CAMTA1: variants seen among roughly 807,000 people sequenced by gnomAD.
CAMTA1 encodes calmodulin binding transcription activator 1.
In CAMTA1, 27 loss-of-function variants were observed where a neutral mutation model predicts 170.9. That is an observed-to-expected ratio of 0.16 (90% CI 0.12 to 0.22). The LOEUF (loss-of-function observed/expected upper bound fraction) is 0.22. Among genes scored for constraint, CAMTA1 ranks in the 10% least tolerant of loss-of-function variants. The pLI is 1.00. For missense variants in CAMTA1, 1,619 were observed against 2,217.2 expected, an observed-to-expected ratio of 0.73 and a Z score of 5.42; for synonymous variants, 833 against 891.5, an observed-to-expected ratio of 0.93 and a Z score of 1.17.
chr1:6,928,094 C>T (rs1683678557), intron 3 of CAMTA1, among the ~76,000 whole-genome samples: 1 of 152,204 alleles, frequency 6.6e-6, no homozygotes, highest in Admixed American at 6.5e-5. Flanking sequence ...GACCCAGCCA[C>T]CAGCGCTGGA....
intron 6 of CAMTA1, among the ~76,000 whole-genome samples, chr1:7,553,045 A>G (rs1184247856): frequency 6.6e-6 from 1 of 152,238 alleles, no homozygotes; most frequent in Admixed American, 6.5e-5. Flanking sequence ...CAGAGAAGCT[A>G]AAGACTGTGC....
intron 5 of CAMTA1, among the ~76,000 whole-genome samples, chr1:7,466,287 C>T (rs2093209623): frequency 1.3e-5 from 2 of 152,356 alleles, no homozygotes; most frequent in Non-Finnish European, 1.5e-5. Context: ...AAATACATTT[C>T]ATGGGCAAGA....
At position 7,175,198 on chromosome 1, in the gene CAMTA1, C is replaced by T. The variant is rs940122951; in HGVS notation, c.303-74293C>T. Among the ~76,000 whole-genome samples, 6 of 152,166 alleles carry T rather than the reference C, an allele frequency of 3.9e-5. No homozygotes were observed. The East Asian group carries it at 9.7e-4, about 25-fold the overall frequency. On this transcript the variant is annotated intron_variant, in intron 4 of 22. Coordinates refer to ENST00000303635, the MANE Select transcript of CAMTA1 (RefSeq NM_015215.4). ...AGGTGTCCAGGTGTTGCCTCTTGTC[C>T]CAGTGGACACTCTGGGAAGGACAAT... is the stretch of plus-strand genomic sequence containing the variant.
chr1:7,685,559 C>T lies in CAMTA1; in HGVS notation c.2914+7826C>T, dbSNP rs765094201. Among the ~76,000 whole-genome samples, 4 of 152,206 alleles carry T rather than the reference C, an allele frequency of 2.6e-5. No homozygotes were observed. Among genetic ancestry groups the T allele is most frequent in the Non-Finnish European group, 5.9e-5 (4 of 68,038 alleles). On this transcript the variant is annotated intron_variant, in intron 11 of 22. Coordinates refer to ENST00000303635, the MANE Select transcript of CAMTA1 (RefSeq NM_015215.4). This position sits in a 1 kb window ranked among gnomAD's most constrained non-coding sequence, Gnocchi z 5.7. The stretch of plus-strand genomic sequence containing the variant: ...CTGGGCAGTGCGATTCTGCCCCTCC[C>T]TCCCACTCCCCTGCTTGCTCCTCAG...
At chr1:7,690,183 A>G (rs3124800) in intron 11 of CAMTA1, among the ~76,000 whole-genome samples, 74,275 of 152,062 alleles carry the variant, frequency 0.49, 18,328 homozygotes, top group East Asian at 0.66. Flanking sequence ...AGAAAGAGCC[A>G]GCTGGGAGCC....
At position 6,959,476 on chromosome 1, in the gene CAMTA1, G is replaced by A. The variant is rs184451631; in HGVS notation, c.235-131828G>A. On this transcript the variant is annotated intron_variant, in intron 3 of 22. Transcript: ENST00000303635. ...ATCAGATTGTCAGTCAGTGTTTCCCGGGTGCCTACCGGTGTACCGGGTCCC... is the reference window on the plus strand; with the variant it reads ...ATCAGATTGTCAGTCAGTGTTTCCCAGGTGCCTACCGGTGTACCGGGTCCC... 1.6e-3 allele frequency among the ~76,000 whole-genome samples: 234 copies of A among 149,104 alleles called. 1 individual carries two copies. The highest frequency in any genetic ancestry group is 5.5e-3 in the African/African-American group (223 of 40,756).
intron 7 of CAMTA1, among the ~76,000 whole-genome samples, chr1:7,655,009 CACACACCCCTATATACACAA>C (rs2095876531): frequency 1.3e-5 from 2 of 149,674 alleles, no homozygotes; most frequent in East Asian, 4.1e-4. Flanking sequence ...CACACCTATA[CACACACCCCTATATACACAA>C]ACACACCCAC....
At chr1:7,416,680 T>C (rs2091202238) in intron 5 of CAMTA1, among the ~76,000 whole-genome samples, 1 of 152,222 alleles carries the variant, frequency 6.6e-6, no homozygotes, top group Non-Finnish European at 1.5e-5. Context: ...TTTCAAAGTT[T>C]TTAACTTCTT....
intron 3 of CAMTA1, among the ~76,000 whole-genome samples, chr1:7,027,140 G>A (rs1321572275): frequency 3.3e-5 from 5 of 152,042 alleles, no homozygotes; most frequent in Non-Finnish European, 5.9e-5. Context: ...GAAGAGGGTG[G>A]GAAAACAGTT....
intron 3 of CAMTA1, among the ~76,000 whole-genome samples, chr1:6,866,996 C>T (rs1055859745): frequency 6.6e-6 from 1 of 152,232 alleles, no homozygotes; most frequent in Admixed American, 6.5e-5. Context: ...AGCATGGCTG[C>T]GTGCCTAAAG....
Position 7,017,494 on chromosome 1 carries a change from C to T in CAMTA1, c.235-73810C>T, listed in dbSNP as rs188458735. ...CACAGAGGTTCAGGTGCTCCGTCAG[C>T]GAGTATTTAAGTACCTACTATGTGT... On this transcript the variant is annotated intron_variant, in intron 3 of 22. Transcript: ENST00000303635. Among the ~76,000 whole-genome samples, 300 of 152,260 alleles carry T rather than the reference C, an allele frequency of 2.0e-3. 2 individuals carry two copies. Among genetic ancestry groups the T allele is most frequent in the Non-Finnish European group, 3.6e-3 (243 of 68,028 alleles).
At position 7,520,988 on chromosome 1, in the gene CAMTA1, G is replaced by A. The variant is rs12071155; in HGVS notation, c.510+53087G>A. 3.6e-3 allele frequency among the ~76,000 whole-genome samples: 542 copies of A among 152,184 alleles called. 4 individuals are homozygous for A. Among genetic ancestry groups the A allele is most frequent in the African/African-American group, 0.012 (496 of 41,516 alleles). ...TAACTAGCCAGCACTTGATATTAGT[G>A]GTTCCCAAATACTTGTCTTCAATCC... On this transcript the variant is annotated intron_variant, in intron 6 of 22. Transcript: ENST00000303635.
At chr1:7,606,597 G>A (rs913368091) in intron 6 of CAMTA1, among the ~76,000 whole-genome samples, 11 of 152,208 alleles carry the variant, frequency 7.2e-5, no homozygotes, top group African/African-American at 1.7e-4. Context: ...CCAGGGACTC[G>A]TTTGAAATGT....
rs139743157 is a variant in CAMTA1 at position 7,177,470 on chromosome 1, G to GCC, written c.303-72015_303-72014dup. Among the ~76,000 whole-genome samples the GCC allele has an allele frequency of 1.3e-3, 165 of 122,452 alleles. 5 individuals carry two copies. Among genetic ancestry groups the GCC allele is most frequent in the African/African-American group, 2.4e-3 (77 of 32,456 alleles). The allele number at this position is 122,452 out of a possible 152,430, so 80.3% of individuals were successfully genotyped here. On this transcript the variant is annotated intron_variant, in intron 4 of 22. Coordinates refer to ENST00000303635, the MANE Select transcript of CAMTA1 (RefSeq NM_015215.4). Reference sequence around the variant, plus strand: ...ACAGAGGCCCCTCCCACACCCTGAGGCCCCCCCACACACACTGAAGCCCCT... The same window carrying GCC: ...ACAGAGGCCCCTCCCACACCCTGAGGCCCCCCCCCACACACACTGAAGCCCCT...
chr1:7,076,985 T>C (rs1303203644), intron 3 of CAMTA1, among the ~76,000 whole-genome samples: 1 of 152,244 alleles, frequency 6.6e-6, no homozygotes, highest in Non-Finnish European at 1.5e-5. Context: ...TAATCTGAAC[T>C]TGTCTTATGA....
chr1:7,309,982 A>C (rs548292873), intron 5 of CAMTA1, among the ~76,000 whole-genome samples: 1 of 152,248 alleles, frequency 6.6e-6, no homozygotes, highest in Admixed American at 6.5e-5. Flanking sequence ...ATTTACCCAG[A>C]TCTTTATTAG....
chr1:7,324,509 GT>G (rs2149703966), intron 5 of CAMTA1, among the ~76,000 whole-genome samples: 1 of 152,188 alleles, frequency 6.6e-6, no homozygotes, highest in Admixed American at 6.5e-5. Context: ...CATTTGTTGT[GT>G]TTTTGTTTGT....
At chr1:6,868,201 TAAAG>T (rs965167482) in intron 3 of CAMTA1, among the ~76,000 whole-genome samples, 3 of 151,992 alleles carry the variant, frequency 2.0e-5, no homozygotes, top group Non-Finnish European at 4.4e-5. Context: ...AGCGATCTTG[TAAAG>T]AGTTAGTAGA....
intron 3 of CAMTA1, among the ~76,000 whole-genome samples, chr1:6,929,266 G>A (rs12131341): frequency 3.9e-5 from 6 of 152,082 alleles, no homozygotes; most frequent in Admixed American, 1.3e-4. Context: ...TGCAACCTCC[G>A]CCTCCTGGGT....
Sources: allele counts gnomAD v4.1 joint callset (sites outside exome capture counted in the v4.1 genomes callset), GRCh38; gene constraint gnomAD v4.1.1; non-coding constraint Gnocchi (gnomAD v3.1); transcripts MANE v1.5; gene names NCBI Gene and HGNC (gene_info 2026-07-23, HGNC 2026-07-21).